Variants in FILIP1 observed in about 807,000 individuals in gnomAD.
FILIP1 encodes the protein filamin-A-interacting protein 1.
FILIP1 carries 61 observed loss-of-function variants against 102.1 expected under a neutral mutation model. The ratio of observed to expected loss-of-function variants is 0.60; its 90% confidence interval spans 0.49 to 0.74. The LOEUF is 0.74. Among genes scored for constraint, FILIP1 ranks in the 30% least tolerant of loss-of-function variants. FILIP1 has a pLI of 0.00. For synonymous variants in FILIP1, 491 were observed against 526.9 expected (o/e 0.93, Z 0.93); for missense variants, 1,314 against 1,441.2 (o/e 0.91, Z 1.43).
chr6:75,454,593 A>T (rs1232648764), intron 1 of FILIP1, among the ~76,000 whole-genome samples: 1 of 152,208 alleles, frequency 6.6e-6, no homozygotes, highest in Non-Finnish European at 1.5e-5. Flanking sequence ...AGAATAACTA[A>T]ATGGAATACT....
intron 4 of FILIP1, among the ~76,000 whole-genome samples, chr6:75,327,324 C>A (rs1017995366): frequency 6.6e-6 from 1 of 152,138 alleles, no homozygotes; most frequent in Admixed American, 6.5e-5. Context: ...ACCATCATCT[C>A]TTATCTGGAT....
intron 4 of FILIP1, among the ~76,000 whole-genome samples, chr6:75,323,297 A>G (rs1033555141): frequency 6.6e-6 from 1 of 152,182 alleles, no homozygotes; most frequent in Non-Finnish European, 1.5e-5. Flanking sequence ...TTGATGGTGC[A>G]TACATTTGTC....
intron 1 of FILIP1, among the ~76,000 whole-genome samples, chr6:75,456,837 C>T (rs147727431): frequency 1.7e-3 from 262 of 152,138 alleles, no homozygotes; most frequent in African/African-American, 6.0e-3. Flanking sequence ...GGATTACAGG[C>T]GTGAGACATC....
chr6:75,425,446 GT>G (rs1777597255), intron 1 of FILIP1, among the ~76,000 whole-genome samples: 1 of 152,136 alleles, frequency 6.6e-6, no homozygotes, highest in Non-Finnish European at 1.5e-5. Flanking sequence ...TTGGAATAAT[GT>G]TTTCAAACAC....
intron 1 of FILIP1, among the ~76,000 whole-genome samples, chr6:75,434,169 T>C (rs920734173): frequency 6.6e-6 from 1 of 152,134 alleles, no homozygotes; most frequent in Admixed American, 6.5e-5. Context: ...CTTGGCAATG[T>C]GGGCTCTTTT....
At position 75,313,661 on chromosome 6, in the gene FILIP1, A is replaced by G. The variant is rs921803616; in HGVS notation, c.2171T>C (p.Val724Ala). The part of the protein sequence containing the change: ...EAKSRDLKAE[V>A]QALKEKIHEL... The stretch of plus-strand genomic sequence containing the variant: ...GTGAATCTTCTCTTTAAGAGCTTGT[A>G]CTTCGGCTTTTAAGTCTCGACTTTT... Residue 724 changes from valine (V) to alanine (A), a missense_variant, in exon 5 of 6, where the codon GTA (valine) becomes GCA (alanine). Val to Ala is a moderately conservative substitution (Grantham distance 64). Coordinates refer to ENST00000237172, the MANE Select transcript of FILIP1 (RefSeq NM_015687.5). The surrounding 1 kb of genome is among the most constrained non-coding windows in gnomAD (Gnocchi z 4.2). 3.9e-5 allele frequency: 62 copies of G among 1,575,238 alleles called. No individual in the cohort carries two copies. The highest frequency in any genetic ancestry group is 5.2e-5 in the Non-Finnish European group (61 of 1,166,028).
intron 1 of FILIP1, among the ~76,000 whole-genome samples, chr6:75,436,633 C>G (rs961270401): frequency 6.6e-6 from 1 of 152,098 alleles, no homozygotes; most frequent in African/African-American, 2.4e-5. Context: ...AAAGCCCTGT[C>G]CCAAAGCTAT....
chr6:75,357,694 G>A (rs1439093448), intron 3 of FILIP1, among the ~76,000 whole-genome samples: 2 of 152,222 alleles, frequency 1.3e-5, no homozygotes, highest in Non-Finnish European at 2.9e-5. Flanking sequence ...GAGGTTTTAG[G>A]TGTCAATTTT....
intron 1 of FILIP1, among the ~76,000 whole-genome samples, chr6:75,447,214 G>A (rs1778469033): frequency 6.6e-6 from 1 of 152,058 alleles, no homozygotes; most frequent in African/African-American, 2.4e-5. Context: ...AAAGAAAACG[G>A]TTATAAACAT....
At chr6:75,431,048 C>G (rs951176671) in intron 1 of FILIP1, among the ~76,000 whole-genome samples, 3 of 152,198 alleles carry the variant, frequency 2.0e-5, no homozygotes, top group Non-Finnish European at 4.4e-5. Context: ...AGACTACACT[C>G]TGAGTTTGCA....
chr6:75,313,137 C>G lies in FILIP1; in HGVS notation c.2695G>C (p.Glu899Gln). 1 of 1,614,138 alleles carries G rather than the reference C, an allele frequency of 6.2e-7. No individual in the cohort carries two copies. Among genetic ancestry groups the G allele is most frequent in the East Asian group, 2.2e-5 (1 of 44,886 alleles). The change falls in exon 5 of 6, where the codon GAG (glutamate) becomes CAG (glutamine). Residue 899 changes from glutamate to glutamine, a missense_variant. Coordinates refer to ENST00000237172, the MANE Select transcript of FILIP1 (RefSeq NM_015687.5). The surrounding 1 kb of genome is among the most constrained non-coding windows in gnomAD (Gnocchi z 4.2). ...CCCTGCTTTGGTGAAAGGACTACCT[C>G]TCCTGGGTGCCCTGGACTGGAATTT... is the stretch of plus-strand genomic sequence containing the variant. The part of the protein sequence containing the change: ...RTNSSPGHPG[E>Q]VVLSPKQGQP...
At chr6:75,441,546 A>T (rs1296873280) in intron 1 of FILIP1, among the ~76,000 whole-genome samples, 2 of 151,148 alleles carry the variant, frequency 1.3e-5, no homozygotes, top group Non-Finnish European at 3.0e-5. Context: ...CTCACTTCCC[A>T]GTAGGGGCGG....
intron 1 of FILIP1, among the ~76,000 whole-genome samples, chr6:75,448,141 A>G (rs1046911681): frequency 1.3e-5 from 2 of 152,106 alleles, no homozygotes; most frequent in African/African-American, 2.4e-5. Context: ...TTGAACATTC[A>G]CATTTATTAA....
At chr6:75,353,428 TG>T in intron 4 of FILIP1, 110 bp downstream of exon 4, 2 of 1,132,346 alleles carry the variant, frequency 1.8e-6, no homozygotes, top group Non-Finnish European at 2.5e-6. Context: ...CATTAGACCC[TG>T]GGCACCTGTC....
intron 4 of FILIP1, among the ~76,000 whole-genome samples, chr6:75,324,429 G>T (rs1773766492): frequency 6.7e-6 from 1 of 148,188 alleles, no homozygotes; most frequent in African/African-American, 2.5e-5. Context: ...ACTGCTGAAA[G>T]AAATCACAGA....
chr6:75,422,194 T>C (rs1467883880), intron 1 of FILIP1, among the ~76,000 whole-genome samples: 2 of 152,040 alleles, frequency 1.3e-5, no homozygotes, highest in African/African-American at 4.8e-5. Flanking sequence ...GTTAAAATAT[T>C]TTTATATTTA....
intron 1 of FILIP1, among the ~76,000 whole-genome samples, chr6:75,438,001 C>T (rs567224348): frequency 1.6e-4 from 24 of 152,322 alleles, no homozygotes; most frequent in East Asian, 3.9e-4. Flanking sequence ...CTGTGTATCA[C>T]GGCTGTCTCA....
Position 75,345,926 on chromosome 6 carries a change from T to C in FILIP1, c.629+7613A>G, listed in dbSNP as rs574508428. ...TTAGGGTTCTTTCTGGTCCAAGTTC[T>C]ATTGCTGTGGTGGTGGTGGTGGTTA... is the stretch of plus-strand genomic sequence containing the variant. On this transcript the variant is annotated intron_variant, in intron 4 of 5. Transcript: ENST00000237172. Among the ~76,000 whole-genome samples, 9 of 152,336 alleles carry C rather than the reference T, an allele frequency of 5.9e-5. No individual in the cohort carries two copies. In the South Asian group the frequency reaches 1.9e-3, roughly 32 times the overall value.
At chr6:75,403,438 T>A (rs1239512722) in intron 2 of FILIP1, among the ~76,000 whole-genome samples, 4 of 148,356 alleles carry the variant, frequency 2.7e-5, no homozygotes, top group Admixed American at 2.0e-4. Context: ...TCCCTTGAGT[T>A]CAGGAGATTG....
Sources: allele counts gnomAD v4.1 joint callset (sites outside exome capture counted in the v4.1 genomes callset), GRCh38; gene constraint gnomAD v4.1.1; non-coding constraint Gnocchi (gnomAD v3.1); transcripts MANE v1.5; gene names NCBI Gene and HGNC (gene_info 2026-07-23, HGNC 2026-07-21).